The following ABCA10 variants were observed in gnomAD, a reference collection of about 807,000 sequenced individuals.
ABCA10 encodes ATP-binding cassette sub-family A member 10.
A neutral mutation model predicts 187.5 loss-of-function variants in ABCA10; 169 were observed. That is an observed-to-expected ratio of 0.90 (90% CI 0.80 to 1.02). ABCA10 has a LOEUF of 1.02. Among genes scored for constraint, ABCA10 ranks in the 50% least tolerant of loss-of-function variants. The pLI is 0.00. For synonymous variants in ABCA10, 574 were observed against 601.8 expected (o/e 0.95, Z 0.68); for missense variants, 1,727 against 1,812.4 (o/e 0.95, Z 0.86).
chr17:69,175,937 G>A (rs1240747778), intron 22 of ABCA10, among the ~76,000 whole-genome samples: 1 of 151,942 alleles, frequency 6.6e-6, no homozygotes, highest in East Asian at 1.9e-4. Context: ...AGCAGGACAG[G>A]GCAAGATTTC....
Position 69,225,463 on chromosome 17 carries a change from G to A in ABCA10, c.-105C>T, listed in dbSNP as rs943253433. The stretch of plus-strand genomic sequence containing the variant: ...ACTTTAGGAGGTTGTTCAGGAAAAC[G>A]GGTAGCTCTGAAGTGTTCCGAAAAG... On this transcript the variant is annotated 5_prime_UTR_variant, in exon 3 of 39. Coordinates refer to ENST00000690296, the MANE Select transcript of ABCA10 (RefSeq NM_001377321.1). 5.9e-6 allele frequency: 7 copies of A among 1,182,864 alleles called. No individual in the cohort carries two copies. The highest frequency in any genetic ancestry group is 3.1e-5 in the African/African-American group (2 of 65,366). 73.3% of individuals were successfully genotyped at this position (1,182,864 alleles called of 1,614,324 possible). A position where few individuals can be genotyped will look rare whatever the true frequency, so the allele number is the denominator to read the frequency against.
At chr17:69,225,617 A>G (rs2074787838) in intron 2 of ABCA10, 88 bp from the exon 3 acceptor site, 1 of 396,184 alleles carries the variant, frequency 2.5e-6, no homozygotes, top group East Asian at 3.8e-5. Flanking sequence ...GGCAGAATGT[A>G]TTGCCATTGA....
intron 34 of ABCA10, 101 bp from the exon 35 acceptor site, chr17:69,152,582 A>G: frequency 6.8e-7 from 1 of 1,481,220 alleles, no homozygotes; most frequent in Non-Finnish European, 9.0e-7. Flanking sequence ...TTATGTTAGG[A>G]TGCAAGAAAC....
intron 25 of ABCA10, among the ~76,000 whole-genome samples, chr17:69,172,808 G>A (rs2074307655): frequency 7.2e-6 from 1 of 138,108 alleles, no homozygotes; most frequent in Admixed American, 7.4e-5. Context: ...AGCAGGTTAA[G>A]TCTGAATTAA....
At chr17:69,152,507 G>C (rs1162329617) in intron 34 of ABCA10, 26 bp from the exon 35 acceptor site, 4 of 1,581,112 alleles carry the variant, frequency 2.5e-6, no homozygotes, top group Middle Eastern at 1.7e-4. Context: ...GGGATTGTTT[G>C]CATTTAGAAA....
At chr17:69,223,206 A>C (rs1800351493) in intron 3 of ABCA10, among the ~76,000 whole-genome samples, 1 of 152,148 alleles carries the variant, frequency 6.6e-6, no homozygotes, top group African/African-American at 2.4e-5. Context: ...AAAAGGAAAA[A>C]TATTTAAAGT....
intron 31 of ABCA10, 36 bp from the exon 32 acceptor site, chr17:69,154,045 T>G (rs765488334): frequency 1.9e-6 from 3 of 1,596,246 alleles, no homozygotes; most frequent in African/African-American, 1.3e-5. Context: ...TCACCTTTGG[T>G]TTTTGCTCCA....
At chr17:69,218,549 A>G (rs1247425037) in intron 6 of ABCA10, among the ~76,000 whole-genome samples, 1 of 152,092 alleles carries the variant, frequency 6.6e-6, no homozygotes, top group Non-Finnish European at 1.5e-5. Context: ...ATTTATTACT[A>G]TAATTGTATA....
intron 17 of ABCA10, among the ~76,000 whole-genome samples, 187 bp from the exon 18 acceptor site, chr17:69,190,664 C>T (rs1165011024): frequency 6.6e-6 from 1 of 151,888 alleles, no homozygotes; most frequent in Non-Finnish European, 1.5e-5. Context: ...TAATATTTTA[C>T]ATTTCCATTT....
intron 30 of ABCA10, 99 bp from the exon 31 acceptor site, chr17:69,154,425 T>C (rs1008559276): frequency 6.1e-6 from 5 of 817,250 alleles, no homozygotes; most frequent in African/African-American, 1.8e-5. Context: ...AATGACTTTT[T>C]TTTTTTTTTT....
intron 25 of ABCA10, among the ~76,000 whole-genome samples, chr17:69,167,093 T>C (rs1456442311): frequency 6.6e-6 from 1 of 152,198 alleles, no homozygotes; most frequent in Non-Finnish European, 1.5e-5. Flanking sequence ...CATGGATGCT[T>C]TGTCCCTAAA....
intron 4 of ABCA10, 23 bp from the exon 5 acceptor site, chr17:69,221,918 G>A (rs1231188886): frequency 6.5e-7 from 1 of 1,544,340 alleles, no homozygotes; most frequent in Non-Finnish European, 8.8e-7. Flanking sequence ...AGAAAAACAT[G>A]TCCATAGTTA....
At chr17:69,210,442 G>A (rs1441203596) in intron 9 of ABCA10, among the ~76,000 whole-genome samples, 1 of 151,558 alleles carries the variant, frequency 6.6e-6, no homozygotes, top group Non-Finnish European at 1.5e-5. Flanking sequence ...ACTCGCCTCG[G>A]CCTCCCAAAG....
upstream of ABCA10, among the ~76,000 whole-genome samples, chr17:69,229,069 C>G (rs1217635076): frequency 6.6e-6 from 1 of 151,880 alleles, no homozygotes; most frequent in Non-Finnish European, 1.5e-5. Context: ...TGAATCATTC[C>G]AATGAGAAAG....
At chr17:69,235,392 T>G (rs1002740964) in intron 1 of ABCA10, among the ~76,000 whole-genome samples, 9 of 152,244 alleles carry the variant, frequency 5.9e-5, no homozygotes, top group Non-Finnish European at 1.3e-4. Flanking sequence ...TCTTTAAGTT[T>G]GTTGAATGGC....
chr17:69,172,844 T>A (rs2074307925), intron 25 of ABCA10, among the ~76,000 whole-genome samples: 1 of 152,144 alleles, frequency 6.6e-6, no homozygotes, highest in African/African-American at 2.4e-5. Flanking sequence ...CAACTATATT[T>A]CTTTTACAAG....
Position 69,153,382 on chromosome 17 carries a change from GC to G in ABCA10, c.4058del (p.Ser1353ThrfsTer11). On this transcript the variant is annotated frameshift_variant, in exon 34 of 39. Coordinates refer to ENST00000690296, the MANE Select transcript of ABCA10 (RefSeq NM_001377321.1). LOFTEE classifies it high-confidence loss of function. Reference sequence around the variant, plus strand: ...GCACCACTGATGGGTTCCCCAGGATGCTCAGCACAAAGCACAGCTGCAATGC... The same window carrying G: ...GCACCACTGATGGGTTCCCCAGGATGTCAGCACAAAGCACAGCTGCAATGC... The part of the protein sequence containing the change: ...GIKRKLCFVL[S>X]ILGNPSVVLL... 1 of 1,613,708 alleles carries G rather than the reference GC, an allele frequency of 6.2e-7. No homozygotes were observed. The highest frequency in any genetic ancestry group is 8.5e-7 in the Non-Finnish European group (1 of 1,179,794).
intron 19 of ABCA10, among the ~76,000 whole-genome samples, chr17:69,186,572 G>C (rs181201733): frequency 2.0e-5 from 3 of 152,154 alleles, no homozygotes; most frequent in Non-Finnish European, 2.9e-5. Flanking sequence ...CACCGCAAAA[G>C]AGTTGTCTAC....
In ABCA10 at chr17:69,190,437, T is replaced by C; in HGVS notation, c.2052A>G (p.Ile684Met). ...SDLDKCSDQG[I>M]RNYAVSVTSL... is the part of the protein sequence containing the mutation. ...ATGTCACTGAAACAGCATAATTCCTTATGCCCTGGTCAGAACACTTATCAA... is the reference window on the plus strand; with the variant it reads ...ATGTCACTGAAACAGCATAATTCCTCATGCCCTGGTCAGAACACTTATCAA... The change falls in exon 18 of 39, where the codon ATA (isoleucine) becomes ATG (methionine). Residue 684 changes from isoleucine to methionine, a missense_variant. By Grantham distance (10) the Ile-to-Met change is conservative. Coordinates refer to ENST00000690296, the MANE Select transcript of ABCA10 (RefSeq NM_001377321.1). 6.3e-7 allele frequency: 1 copy of C among 1,587,906 alleles called. No homozygotes were observed. The highest frequency in any genetic ancestry group is 8.5e-7 in the Non-Finnish European group (1 of 1,172,790).
Sources: allele counts gnomAD v4.1 joint callset (sites outside exome capture counted in the v4.1 genomes callset), GRCh38; gene constraint gnomAD v4.1.1; transcripts MANE v1.5; gene names NCBI Gene and HGNC (gene_info 2026-07-23, HGNC 2026-07-21).